The following TOM1L2 variants were observed in gnomAD, a reference collection of about 807,000 sequenced individuals.
TOM1L2 encodes the protein TOM1-like protein 2.
A neutral mutation model predicts 67.9 loss-of-function variants in TOM1L2; 31 were observed. The ratio of observed to expected loss-of-function variants is 0.46; its 90% confidence interval spans 0.34 to 0.62. The LOEUF (loss-of-function observed/expected upper bound fraction) is 0.62, where lower values mean the gene tolerates loss of function less well. Ranked by LOEUF, TOM1L2 falls within the 20% of genes least tolerant of loss-of-function variation. The pLI, the probability that TOM1L2 is intolerant of heterozygous loss-of-function variation, is 0.01. For synonymous variants in TOM1L2, 256 were observed against 254.0 expected (o/e 1.01, Z -0.07); for missense variants, 606 against 663.5 (o/e 0.91, Z 0.95).
intron 1 of TOM1L2, among the ~76,000 whole-genome samples, chr17:17,912,286 G>C (rs866040190): frequency 6.6e-6 from 1 of 150,430 alleles, no homozygotes. Flanking sequence ...GCGGGGGGCT[G>C]ACCCCCCCAC....
intron 1 of TOM1L2, among the ~76,000 whole-genome samples, chr17:17,911,107 AGGGT>A (rs1256901312): frequency 1.3e-5 from 2 of 152,144 alleles, no homozygotes; most frequent in Non-Finnish European, 2.9e-5. Flanking sequence ...AGAACATAGG[AGGGT>A]GGGTGGGCAG....
intron 1 of TOM1L2, among the ~76,000 whole-genome samples, chr17:17,920,213 C>T (rs1263532467): frequency 2.0e-5 from 3 of 149,072 alleles, no homozygotes; most frequent in Non-Finnish European, 4.4e-5. Context: ...TTTATTCTCT[C>T]GTTCTTTTTT....
At chr17:17,945,271 C>T (rs1441388550) in intron 1 of TOM1L2, among the ~76,000 whole-genome samples, 3 of 133,266 alleles carry the variant, frequency 2.3e-5, no homozygotes, top group African/African-American at 3.2e-5. Context: ...CACACATACA[C>T]ACACACACAC....
At position 17,919,011 on chromosome 17, in the gene TOM1L2, C is replaced by T. The variant is rs546222805; in HGVS notation, c.53-11480G>A. ...TGAGAGCTCGGTTCCCAGCTGTCCC[C>T]GGTTCTCCCTTCAGACTTAGAAGCA... is the stretch of plus-strand genomic sequence containing the variant. On this transcript the variant is annotated intron_variant, in intron 1 of 14. Transcript: ENST00000379504. Among the ~76,000 whole-genome samples the T allele has an allele frequency of 2.6e-5, 4 of 152,250 alleles. No individual in the cohort carries two copies. In the East Asian group the frequency reaches 5.8e-4, roughly 22 times the overall value.
intron 13 of TOM1L2, 41 bp downstream of exon 13, chr17:17,850,852 G>C (rs184710098): frequency 6.2e-7 from 1 of 1,607,832 alleles, no homozygotes; most frequent in Non-Finnish European, 8.5e-7. Context: ...AGCCTCTGCC[G>C]CTCCACACCC....
chr17:17,858,165 G>T, intron 12 of TOM1L2: 1 of 235,018 alleles, frequency 4.3e-6, no homozygotes, highest in Non-Finnish European at 8.1e-6. Context: ...GGTTGGGAGG[G>T]GGTCAACTTT....
At chr17:17,891,450 G>A (rs1015456967) in intron 4 of TOM1L2, among the ~76,000 whole-genome samples, 1 of 152,182 alleles carries the variant, frequency 6.6e-6, no homozygotes, top group African/African-American at 2.4e-5. Context: ...GCGGGGACAG[G>A]CATCCTCAGG....
At chr17:17,906,258 A>G (rs1259455619) in intron 2 of TOM1L2, among the ~76,000 whole-genome samples, 1 of 151,256 alleles carries the variant, frequency 6.6e-6, no homozygotes. Flanking sequence ...CCTCCCAAGT[A>G]GTTGGGACTA....
chr17:17,942,349 G>A (rs1191428325), intron 1 of TOM1L2, among the ~76,000 whole-genome samples: 1 of 152,152 alleles, frequency 6.6e-6, no homozygotes, highest in Non-Finnish European at 1.5e-5. Context: ...CAAACTCCTG[G>A]CTCTGTAATG....
chr17:17,903,894 G>A (rs1373475904), intron 2 of TOM1L2, among the ~76,000 whole-genome samples: 3 of 151,684 alleles, frequency 2.0e-5, no homozygotes, highest in Non-Finnish European at 4.4e-5. Context: ...GAACAGAAGG[G>A]ACAGCAGGTC....
At position 17,882,775 on chromosome 17, in the gene TOM1L2, G is replaced by A. The variant is rs370279147; in HGVS notation, c.590C>T (p.Pro197Leu). 3.7e-6 allele frequency: 6 copies of A among 1,614,106 alleles called. No individual in the cohort carries two copies. Among genetic ancestry groups the A allele is most frequent in the Non-Finnish European group, 5.1e-6 (6 of 1,180,050 alleles). Residue 197 changes from proline (P) to leucine (L), a missense_variant, in exon 6 of 15, where the codon CCT becomes CTT. By Grantham distance (98) the Pro-to-Leu change is moderately conservative. Transcript: ENST00000379504. ...TSAGSYSSPPPAPYSAPQAPA... is the reference protein window; with the variant it reads ...TSAGSYSSPPLAPYSAPQAPA... ...GGCCTGCGGTGCGGAGTAGGGAGCA[G>A]GAGGCGGCGAGGAATAGGAACCAGC...
In TOM1L2 at chr17:17,862,791, C is replaced by A. The variant is rs375549455; in HGVS notation, c.1142G>T (p.Arg381Leu). 22 of 1,614,050 alleles carry A rather than the reference C, an allele frequency of 1.4e-5. No homozygotes were observed. In the East Asian group the frequency reaches 4.2e-4, roughly 31 times the overall value. Residue 381 changes from arginine to leucine, a missense_variant, in exon 11 of 15, where the codon CGT (arginine) becomes CTT (leucine). By Grantham distance (102) the Arg-to-Leu change is moderately radical. This residue lies in a region of TOM1L2 where 543 missense variants were observed against 554.0 expected (regional missense o/e 0.98). Coordinates refer to ENST00000379504, the MANE Select transcript of TOM1L2 (RefSeq NM_001082968.2). ...CTGGGCAAACATGTCAAAGCCGTCA[C>A]GGGGATTACATTGCTGGAGTGAACT... ...TLSSLQQCNP[R>L]DGFDMFAQTR...
At position 17,920,371 on chromosome 17, in the gene TOM1L2, C is replaced by T. The variant is rs1310505176; in HGVS notation, c.53-12840G>A. On this transcript the variant is annotated intron_variant, in intron 1 of 14. Transcript: ENST00000379504. ...TTTTTTTTTTTTTGAGATGGAGTCT[C>T]GCTCTGTTGCCCAGGCTGGAGTGCA... Among the ~76,000 whole-genome samples the T allele has an allele frequency of 5.2e-4, 66 of 126,562 alleles. 1 individual carries two copies. The highest frequency in any genetic ancestry group is 9.1e-4 in the Non-Finnish European group (58 of 63,690). The allele number at this position is 126,562 out of a possible 152,430, so 83.0% of individuals were successfully genotyped here.
At chr17:17,969,576 C>A (rs1597491636) in intron 1 of TOM1L2, among the ~76,000 whole-genome samples, 2 of 152,126 alleles carry the variant, frequency 1.3e-5, no homozygotes, top group Non-Finnish European at 2.9e-5. Context: ...CTGAAATGAC[C>A]TATTGGCTAC....
In TOM1L2 at chr17:17,847,467, GA is replaced by G. The variant is rs1478218598; in HGVS notation, c.*167del. 3.1e-5 allele frequency: 26 copies of G among 847,998 alleles called. No individual in the cohort carries two copies. The African/African-American group carries it at 3.8e-4, about 12-fold the overall frequency. The allele number at this position is 847,998 out of a possible 1,614,324, so 52.5% of individuals were successfully genotyped here. ...CACCACTCAGAGAAAAGAAGTGGCT[GA>G]AGCTGGTCCTGACTAGTGGGAGGCC... On this transcript the variant is annotated 3_prime_UTR_variant, in exon 15 of 15. Coordinates refer to ENST00000379504, the MANE Select transcript of TOM1L2 (RefSeq NM_001082968.2).
chr17:17,898,746 C>T, intron 2 of TOM1L2, 72 bp from the exon 3 acceptor site: 1 of 1,469,726 alleles, frequency 6.8e-7, no homozygotes, highest in East Asian at 2.3e-5. Context: ...GATATGTGAA[C>T]TAGTATATAT....
intron 1 of TOM1L2, among the ~76,000 whole-genome samples, chr17:17,958,801 G>C (rs1283351755): frequency 2.0e-5 from 3 of 152,206 alleles, no homozygotes; most frequent in Non-Finnish European, 4.4e-5. Flanking sequence ...TAGCCAGAAA[G>C]ACCAAGGTAC....
intron 1 of TOM1L2, among the ~76,000 whole-genome samples, chr17:17,931,249 T>C (rs4077198): frequency 0.49 from 73,966 of 151,846 alleles, 19,064 homozygotes; most frequent in East Asian, 0.86. Context: ...CTTCTACAGA[T>C]TTCCCCAATT....
chr17:17,895,202 C>A (rs2038503350), intron 3 of TOM1L2, among the ~76,000 whole-genome samples: 1 of 152,098 alleles, frequency 6.6e-6, no homozygotes, highest in Non-Finnish European at 1.5e-5. Flanking sequence ...GTAAACCAAC[C>A]CATAGGATTA....
Sources: gnomAD v4.1 joint callset for allele counts (sites outside exome capture counted in the v4.1 genomes callset) on GRCh38, gnomAD v4.1.1 for gene constraint, gnomAD v4.1.1 regional missense constraint, MANE v1.5 for transcripts, NCBI Gene and HGNC (gene_info 2026-07-23, HGNC 2026-07-21) for gene names.